The following LAMA3 variants were observed in gnomAD, a reference collection of about 807,000 sequenced individuals.
LAMA3 encodes the protein laminin subunit alpha-3.
Under a neutral mutation model 402.0 loss-of-function variants are expected in LAMA3, and 281 were observed. The ratio of observed to expected loss-of-function variants is 0.70; its 90% CI spans 0.63 to 0.77. The LOEUF (loss-of-function observed/expected upper bound fraction) is 0.77. Ranked by LOEUF, LAMA3 falls within the 30% of genes least tolerant of loss-of-function variation. The pLI, the probability that LAMA3 is intolerant of heterozygous loss-of-function variation, is 0.00. For missense variants in LAMA3, 3,840 were observed against 4,215.5 expected (o/e 0.91, Z 2.47); for synonymous variants, 1,431 against 1,558.4 (o/e 0.92, Z 1.93).
chr18:23,852,982 C>T (rs2063979794), intron 32 of LAMA3, among the ~76,000 whole-genome samples: 3 of 152,130 alleles, frequency 2.0e-5, no homozygotes, highest in Admixed American at 1.3e-4. Flanking sequence ...TTCTACGAGT[C>T]CACAGAGATC....
rs1302659489 is a variant in LAMA3, at chr18:23,692,562, G to A, written c.294+2585G>A. Among the ~76,000 whole-genome samples, 6 of 152,184 alleles carry A rather than the reference G, an allele frequency of 3.9e-5. 1 individual carries two copies. Among genetic ancestry groups the A allele is most frequent in the East Asian group, 3.9e-4 (2 of 5,174 alleles). On this transcript the variant is annotated intron_variant, in intron 1 of 74. Coordinates refer to ENST00000313654, the MANE Select transcript of LAMA3 (RefSeq NM_198129.4). Reference sequence around the variant, plus strand: ...GCTAGGATTACAGGCATGAGCCACCGCAGCCGGCCCGTTTTGATGTTTTAA... The same window carrying A: ...GCTAGGATTACAGGCATGAGCCACCACAGCCGGCCCGTTTTGATGTTTTAA...
Position 23,899,004 on chromosome 18 carries a change from G to A in LAMA3, c.5775G>A (p.Arg1925=), listed in dbSNP as rs764166329. The change falls in exon 46 of 75, where the codon CGG becomes CGA. Residue 1925 remains arginine (R), a synonymous_variant. Coordinates refer to ENST00000313654, the MANE Select transcript of LAMA3 (RefSeq NM_198129.4). ...AAACATTAAACAACAATGTTAATCG[G>A]GCAACACAAAGCGCAAAAGAACTGG... is the stretch of plus-strand genomic sequence containing the variant. The part of the protein sequence containing the change: ...KAQTLNNNVN[R]ATQSAKELDV... 6.2e-7 allele frequency: 1 copy of A among 1,613,952 alleles called. No individual in the cohort carries two copies. Among genetic ancestry groups the A allele is most frequent in the Non-Finnish European group, 8.5e-7 (1 of 1,179,954 alleles).
At chr18:23,915,894 C>T (rs1282993081) in intron 59 of LAMA3, among the ~76,000 whole-genome samples, 1 of 150,232 alleles carries the variant, frequency 6.7e-6, no homozygotes, top group Admixed American at 6.6e-5. Flanking sequence ...TAGTCCCAGC[C>T]TCTTGGAAGG....
intron 11 of LAMA3, among the ~76,000 whole-genome samples, chr18:23,779,249 T>C (rs1244154340): frequency 6.6e-6 from 1 of 151,232 alleles, no homozygotes; most frequent in East Asian, 2.0e-4. Flanking sequence ...AGAAGGCTCT[T>C]TGGGTCTACT....
At chr18:23,897,102 A>C (rs2080900528) in intron 44 of LAMA3, among the ~76,000 whole-genome samples, 1 of 152,236 alleles carries the variant, frequency 6.6e-6, no homozygotes, top group African/African-American at 2.4e-5. Flanking sequence ...AAACCTCCAG[A>C]AATCAAACAA....
At chr18:23,792,653 C>T (rs906695637) in intron 12 of LAMA3, among the ~76,000 whole-genome samples, 21 of 152,194 alleles carry the variant, frequency 1.4e-4, no homozygotes, top group African/African-American at 4.8e-4. Flanking sequence ...TGCTTGTGGC[C>T]AGATTTTGGC....
chr18:23,811,087 T>C (rs550487555), intron 13 of LAMA3, among the ~76,000 whole-genome samples: 1 of 152,234 alleles, frequency 6.6e-6, no homozygotes, highest in East Asian at 1.9e-4. Flanking sequence ...GAGAGTGCAC[T>C]GAGGGGGAGA....
At chr18:23,899,611 C>T in intron 47 of LAMA3, 156 bp downstream of exon 47, 1 of 719,298 alleles carries the variant, frequency 1.4e-6, no homozygotes, top group South Asian at 1.6e-5. Context: ...ATTGGTAGCC[C>T]CCAGGAGTCC....
intron 55 of LAMA3, among the ~76,000 whole-genome samples, chr18:23,911,833 A>G (rs7233459): frequency 0.035 from 5,140 of 146,810 alleles, 285 homozygotes; most frequent in African/African-American, 0.12. Flanking sequence ...TTATGCATAT[A>G]TAGTGTTATA....
At chr18:23,892,781 T>C (rs546770993) in intron 42 of LAMA3, among the ~76,000 whole-genome samples, 8 of 151,560 alleles carry the variant, frequency 5.3e-5, no homozygotes, top group Admixed American at 5.3e-4. Flanking sequence ...CAGATGCCTG[T>C]AATCTCAGCT....
At chr18:23,841,984 C>T (rs1172017077) in intron 27 of LAMA3, among the ~76,000 whole-genome samples, 1 of 152,018 alleles carries the variant, frequency 6.6e-6, no homozygotes, top group African/African-American at 2.4e-5. Context: ...CAGTTATGAA[C>T]ATATAAGTAT....
Position 23,777,633 on chromosome 18 carries a change from CT to C in LAMA3, c.1468+18del. ...GAGATATAAAAGGCAAGTAACCTCC[CT>C]TTTGGTTTAACTCCAGTGAAAATGT... On this transcript the variant is annotated intron_variant, in intron 11 of 74. Transcript: ENST00000313654. 1.3e-6 allele frequency: 2 copies of C among 1,593,906 alleles called. No individual in the cohort carries two copies. The highest frequency in any genetic ancestry group is 1.7e-6 in the Non-Finnish European group (2 of 1,161,642).
intron 2 of LAMA3, among the ~76,000 whole-genome samples, chr18:23,736,342 G>A (rs1463888014): frequency 6.7e-6 from 1 of 149,836 alleles, no homozygotes; most frequent in Non-Finnish European, 1.5e-5. Flanking sequence ...CCATATTGCT[G>A]GATATGCATC....
chr18:23,730,318 C>T (rs2061370120), intron 2 of LAMA3, among the ~76,000 whole-genome samples: 1 of 151,454 alleles, frequency 6.6e-6, no homozygotes, highest in Admixed American at 6.6e-5. Flanking sequence ...TTCTTTCCAT[C>T]CTTATACACT....
intron 51 of LAMA3, 66 bp downstream of exon 51, chr18:23,904,760 T>G: frequency 6.6e-7 from 1 of 1,508,240 alleles, no homozygotes; most frequent in East Asian, 2.3e-5. Flanking sequence ...ATATTTTCTT[T>G]CCGTGGGCTC....
At chr18:23,722,817 C>T (rs1316159941) in intron 2 of LAMA3, among the ~76,000 whole-genome samples, 5 of 152,154 alleles carry the variant, frequency 3.3e-5, no homozygotes, top group Admixed American at 1.3e-4. Context: ...GTCACTGTGA[C>T]CTCCTTGGTG....
intron 62 of LAMA3, among the ~76,000 whole-genome samples, chr18:23,923,151 C>T (rs12956613): frequency 0.52 from 78,888 of 152,076 alleles, 23,308 homozygotes; most frequent in Non-Finnish European, 0.68. Flanking sequence ...ATAGGGATGC[C>T]CCATGGGGCT....
chr18:23,735,265 G>C (rs1048901652), intron 2 of LAMA3, among the ~76,000 whole-genome samples: 1 of 152,192 alleles, frequency 6.6e-6, no homozygotes, highest in African/African-American at 2.4e-5. Context: ...CATTTCAAAA[G>C]ATTCCCTGGG....
chr18:23,932,989 G>C (rs559020077), intron 66 of LAMA3, among the ~76,000 whole-genome samples: 61 of 152,312 alleles, frequency 4.0e-4, no homozygotes, highest in Non-Finnish European at 7.1e-4. Flanking sequence ...ATTGGAGCAG[G>C]AGGTGGGAGG....
Sources: allele counts gnomAD v4.1 joint callset (sites outside exome capture counted in the v4.1 genomes callset), GRCh38; gene constraint gnomAD v4.1.1; transcripts MANE v1.5; gene names NCBI Gene and HGNC (gene_info 2026-07-23, HGNC 2026-07-21).